SLC25A37: variants seen among roughly 807,000 people sequenced by gnomAD.
The protein encoded by SLC25A37 is mitoferrin-1.
A neutral mutation model predicts 31.0 loss-of-function variants in SLC25A37; 17 were observed. That is an observed-to-expected ratio of 0.55 (90% CI 0.38 to 0.82). The LOEUF (loss-of-function observed/expected upper bound fraction) is 0.82, where lower values mean the gene tolerates loss of function less well. SLC25A37 is among the 40% of genes least tolerant of loss of function. The probability of loss-of-function intolerance (pLI) is 0.00; values close to 1 mark genes in which losing one functional copy is unlikely to be tolerated. For synonymous variants in SLC25A37, 222 were observed against 193.0 expected (o/e 1.15, Z -1.24); for missense variants, 404 against 465.8 (o/e 0.87, Z 1.22).
chr8:23,533,014 C>G (rs992461875), intron 1 of SLC25A37, among the ~76,000 whole-genome samples: 8 of 152,178 alleles, frequency 5.3e-5, no homozygotes, highest in African/African-American at 1.7e-4. Context: ...TTCTCTCTCC[C>G]TTCTTGTCTC....
At chr8:23,538,522 C>CT (rs1801822485) in intron 1 of SLC25A37, among the ~76,000 whole-genome samples, 1 of 108,934 alleles carries the variant, frequency 9.2e-6, no homozygotes, top group Admixed American at 9.3e-5. Context: ...CGTTGTTTGT[C>CT]GTGTGTGTGT....
In SLC25A37 at chr8:23,529,182, C is replaced by T; in HGVS notation, c.180C>T (p.His60=). 2 of 1,611,680 alleles carry T rather than the reference C, an allele frequency of 1.2e-6. No homozygotes were observed. The highest frequency in any genetic ancestry group is 1.7e-6 in the Non-Finnish European group (2 of 1,179,166). Residue 60 remains histidine, a synonymous_variant, in exon 1 of 4, where the codon CAC becomes CAT. Transcript: ENST00000519973. This position sits in a 1 kb window ranked among gnomAD's most constrained non-coding sequence, Gnocchi z 4.1. ...GAGCGATGGCCGGGATCCTGGAGCA[C>T]TCGGTCATGTACCCGGTGGACTCGG... ...TAGAMAGILE[H]SVMYPVDSVK... is the part of the protein sequence containing the mutation.
At chr8:23,533,116 A>C (rs1801694412) in intron 1 of SLC25A37, among the ~76,000 whole-genome samples, 1 of 152,154 alleles carries the variant, frequency 6.6e-6, no homozygotes, top group Non-Finnish European at 1.5e-5. Context: ...GAATCAAAAA[A>C]GGGGTATTTG....
At chr8:23,544,310 A>G (rs141079462) in intron 1 of SLC25A37, among the ~76,000 whole-genome samples, 7 of 152,286 alleles carry the variant, frequency 4.6e-5, no homozygotes, top group Non-Finnish European at 1.0e-4. Context: ...TGCGGTAGCT[A>G]TCCCCTCTCA....
At chr8:23,538,380 CA>C (rs1286476649) in intron 1 of SLC25A37, among the ~76,000 whole-genome samples, 2 of 10,766 alleles carry the variant, frequency 1.9e-4, no homozygotes, top group East Asian at 2.1e-3. Flanking sequence ...GACTTCATCT[CA>C]AAAAAAAAAA....
In SLC25A37 at chr8:23,529,116, C is replaced by T; in HGVS notation, c.114C>T (p.Asn38=). The T allele has an allele frequency of 4.3e-6, 7 of 1,611,080 alleles. No individual in the cohort carries two copies. Among genetic ancestry groups the T allele is most frequent in the Non-Finnish European group, 5.9e-6 (7 of 1,179,118 alleles). The change falls in exon 1 of 4, where the codon AAC becomes AAT. Residue 38 remains asparagine (N), a synonymous_variant. Coordinates refer to ENST00000519973, the MANE Select transcript of SLC25A37 (RefSeq NM_016612.4). This position sits in a 1 kb window ranked among gnomAD's most constrained non-coding sequence, Gnocchi z 4.1. ...KDATGSEDYE[N]LPTSASVSTH... ...CCACCGGGTCGGAGGACTACGAGAA[C>T]CTGCCGACTAGCGCCTCCGTGTCCA...
In SLC25A37 at chr8:23,560,031, C is replaced by T. The variant is rs180793406; in HGVS notation, c.211-6077C>T. Among the ~76,000 whole-genome samples the T allele has an allele frequency of 2.4e-3, 366 of 152,218 alleles. 1 individual carries two copies. The highest frequency in any genetic ancestry group is 8.4e-3 in the African/African-American group (347 of 41,530). ...TAGTGGAGCTTTAAAAAAGAGAGTA[C>T]TTTGGGAGGCACAGATAGGAGCATC... On this transcript the variant is annotated intron_variant, in intron 1 of 3. Transcript: ENST00000519973.
At chr8:23,535,506 GGA>G (rs1801748141) in intron 1 of SLC25A37, among the ~76,000 whole-genome samples, 1 of 152,152 alleles carries the variant, frequency 6.6e-6, no homozygotes, top group Admixed American at 6.5e-5. Context: ...GGCAGAGAAG[GGA>G]GATGTATACA....
intron 1 of SLC25A37, among the ~76,000 whole-genome samples, chr8:23,540,926 T>C (rs1258042158): frequency 1.3e-5 from 2 of 152,158 alleles, no homozygotes; most frequent in African/African-American, 4.8e-5. Flanking sequence ...GGTCATGGTA[T>C]TTATTATCAC....
intron 1 of SLC25A37, among the ~76,000 whole-genome samples, chr8:23,556,713 A>C (rs1802376436): frequency 6.6e-6 from 1 of 152,106 alleles, no homozygotes; most frequent in Non-Finnish European, 1.5e-5. Flanking sequence ...AGATGTTAGA[A>C]AAAGACACGA....
chr8:23,572,713 C>T lies in SLC25A37; in HGVS notation c.*858C>T, dbSNP rs1019423824. ...CCAGGACCAGAGATCTGGCCCTGGC[C>T]TATTTTCTCTTGCTGTGTACACACA... On this transcript the variant is annotated 3_prime_UTR_variant, in exon 4 of 4. Transcript: ENST00000519973. 2.0e-5 allele frequency: 3 copies of T among 151,986 alleles called. No individual in the cohort carries two copies. The highest frequency in any genetic ancestry group is 4.4e-5 in the Non-Finnish European group (3 of 68,006). 9.4% of individuals were successfully genotyped at this position (151,986 alleles called of 1,614,324 possible).
At position 23,570,213 on chromosome 8, in the gene SLC25A37, C is replaced by G. The variant is rs942209044; in HGVS notation, c.497-1122C>G. Reference sequence around the variant, plus strand: ...CGAGGCATGCTGAAGGGACACACACCTTTCCCCCTTTTTATTTACAAAGTA... The same window carrying G: ...CGAGGCATGCTGAAGGGACACACACGTTTCCCCCTTTTTATTTACAAAGTA... On this transcript the variant is annotated intron_variant, in intron 3 of 3. Transcript: ENST00000519973. Among the ~76,000 whole-genome samples, 3 of 152,168 alleles carry G rather than the reference C, an allele frequency of 2.0e-5. 1 individual carries two copies. Among genetic ancestry groups the G allele is most frequent in the Admixed American group, 2.0e-4 (3 of 15,284 alleles).
chr8:23,529,280 G>T lies in SLC25A37; in HGVS notation c.210+68G>T, dbSNP rs1801612679. On this transcript the variant is annotated intron_variant, in intron 1 of 3. Transcript: ENST00000519973. The surrounding 1 kb of genome is among the most constrained non-coding windows in gnomAD (Gnocchi z 4.1). ...GAGCGCGCGCGCGCATTTGCATCCC[G>T]CGCGCCGGCAGCCTCGGGGCAGCGT... 2 of 1,466,228 alleles carry T rather than the reference G, an allele frequency of 1.4e-6. No individual in the cohort carries two copies. Among genetic ancestry groups the T allele is most frequent in the Non-Finnish European group, 1.8e-6 (2 of 1,090,856 alleles). The allele number at this position is 1,466,228 out of a possible 1,614,324, so 90.8% of individuals were successfully genotyped here.
intron 2 of SLC25A37, chr8:23,567,428 T>A (rs549765037): frequency 6.6e-6 from 1 of 152,360 alleles, no homozygotes; most frequent in Admixed American, 6.5e-5. Context: ...ATGGTTTTAC[T>A]CCTTGAAAGA....
intron 1 of SLC25A37, among the ~76,000 whole-genome samples, chr8:23,559,337 T>TTGTG (rs746195333): frequency 2.6e-4 from 35 of 133,204 alleles, no homozygotes; most frequent in African/African-American, 8.4e-4. Flanking sequence ...CTGTCTCCGG[T>TTGTG]TGTGTGTGTG....
At chr8:23,548,248 G>A (rs762559439) in intron 1 of SLC25A37, among the ~76,000 whole-genome samples, 3 of 152,028 alleles carry the variant, frequency 2.0e-5, no homozygotes, top group East Asian at 1.9e-4. Flanking sequence ...GCGCGATCTC[G>A]GTTCACTGCA....
chr8:23,551,403 G>A (rs1484366041), intron 1 of SLC25A37, among the ~76,000 whole-genome samples: 1 of 152,066 alleles, frequency 6.6e-6, no homozygotes, highest in Non-Finnish European at 1.5e-5. Context: ...GTGAGTTGGG[G>A]CAGCTGAAGG....
chr8:23,540,836 T>G (rs893477010), intron 1 of SLC25A37, among the ~76,000 whole-genome samples: 3 of 152,168 alleles, frequency 2.0e-5, no homozygotes, highest in African/African-American at 7.2e-5. Context: ...GCAGGTCCGC[T>G]TACGCATGTA....
chr8:23,560,950 CA>C, intron 1 of SLC25A37, among the ~76,000 whole-genome samples: 1 of 152,236 alleles, frequency 6.6e-6, no homozygotes, highest in Middle Eastern at 3.4e-3. Context: ...AGGCATTAGG[CA>C]AGTGGTACCA....
Sources: gnomAD v4.1 joint callset for allele counts (sites outside exome capture counted in the v4.1 genomes callset) on GRCh38, gnomAD v4.1.1 for gene constraint, Gnocchi (gnomAD v3.1) non-coding constraint, MANE v1.5 for transcripts, NCBI Gene and HGNC (gene_info 2026-07-23, HGNC 2026-07-21) for gene names.